Variants in CHID1 observed in about 807,000 individuals in gnomAD.
CHID1 encodes chitinase domain containing 1, also known as chitinase domain-containing protein 1.
In CHID1, 44 loss-of-function variants were observed where a neutral mutation model predicts 55.4. That is an observed-to-expected ratio of 0.79 (90% CI 0.62 to 1.02). The LOEUF is 1.02. CHID1 is among the 50% of genes least tolerant of loss of function. The pLI is 0.00. For missense variants in CHID1, 491 were observed against 515.3 expected (o/e 0.95, Z 0.46); for synonymous variants, 216 against 212.9 (o/e 1.01, Z -0.13).
intron 4 of CHID1, among the ~76,000 whole-genome samples, chr11:901,993 C>T (rs536179823): frequency 2.2e-4 from 34 of 151,966 alleles, no homozygotes; most frequent in Admixed American, 8.5e-4. Flanking sequence ...TCACATTCAA[C>T]ACACTCACAA....
chr11:880,380 A>G (rs1565168665), intron 10 of CHID1, among the ~76,000 whole-genome samples: 1 of 152,224 alleles, frequency 6.6e-6, no homozygotes, highest in Non-Finnish European at 1.5e-5. Flanking sequence ...ACCCAGGGCC[A>G]GAAGCCAGAG....
chr11:904,705 C>G lies in CHID1; in HGVS notation c.111+1G>C. On this transcript the variant is annotated splice_donor_variant, in intron 2 of 12. Coordinates refer to ENST00000323578, the MANE Select transcript of CHID1 (RefSeq NM_023947.4). LOFTEE classifies it high-confidence loss of function. ...ACCTCAAGTCCCCAGGCCACCCTTA[C>G]CTTCTCCAGCAGCGTCTTTGAGGCG... 1 of 1,614,048 alleles carries G rather than the reference C, an allele frequency of 6.2e-7. No individual in the cohort carries two copies.
At chr11:895,443 C>A (rs903620383) in intron 7 of CHID1, among the ~76,000 whole-genome samples, 1 of 152,124 alleles carries the variant, frequency 6.6e-6, no homozygotes, top group Non-Finnish European at 1.5e-5. Flanking sequence ...ACATGGGCCC[C>A]GGAGGCGACG....
At position 890,983 on chromosome 11, in the gene CHID1, G is replaced by A. The variant is rs559205131; in HGVS notation, c.701+2444C>T. Among the ~76,000 whole-genome samples the A allele has an allele frequency of 1.6e-4, 25 of 152,326 alleles. 1 individual carries two copies. The highest frequency in any genetic ancestry group is 8.5e-4 in the Admixed American group (13 of 15,300). On this transcript the variant is annotated intron_variant, in intron 8 of 12. Coordinates refer to ENST00000323578, the MANE Select transcript of CHID1 (RefSeq NM_023947.4). Reference sequence around the variant, plus strand: ...GAGAGCGAGCCTGTGTGCTGGCAGCGCTGCTCTTGGGAGGTGAGTGACAAG... The same window carrying A: ...GAGAGCGAGCCTGTGTGCTGGCAGCACTGCTCTTGGGAGGTGAGTGACAAG...
At chr11:896,961 C>T (rs1475143964) in intron 7 of CHID1, among the ~76,000 whole-genome samples, 9 of 85,016 alleles carry the variant, frequency 1.1e-4, no homozygotes, top group African/African-American at 1.5e-4. Flanking sequence ...CCAGACACAA[C>T]GAGCCTGTCT....
At position 883,198 on chromosome 11, in the gene CHID1, A is replaced by G. The variant is rs1850135094; in HGVS notation, c.909T>C (p.Gly303=). ...CATCCTTGGAGGTCGCGTAGTCCAT[A>G]CCATAGAAGTTGAGCCCCAGGAGGA... ...SKILLGLNFY[G]MDYATSKDAR... is the part of the protein sequence containing the mutation. The change falls in exon 10 of 13, where the codon GGT becomes GGC. Residue 303 remains glycine, a synonymous_variant. Transcript: ENST00000323578. The G allele has an allele frequency of 1.2e-6, 2 of 1,614,048 alleles. No individual in the cohort carries two copies. Among genetic ancestry groups the G allele is most frequent in the African/African-American group, 2.7e-5 (2 of 74,942 alleles).
chr11:879,271 C>T (rs939811090), intron 10 of CHID1, among the ~76,000 whole-genome samples: 3 of 152,070 alleles, frequency 2.0e-5, no homozygotes, highest in African/African-American at 4.8e-5. Flanking sequence ...GTTAGGGTCT[C>T]ACCATGTTGC....
intron 7 of CHID1, among the ~76,000 whole-genome samples, chr11:896,142 CG>C (rs1851266371): frequency 1.4e-5 from 2 of 141,058 alleles, no homozygotes; most frequent in Non-Finnish European, 3.0e-5. Context: ...ACCCCAGACA[CG>C]AGCCTGTCTC....
chr11:873,960 G>A (rs1400681398), intron 10 of CHID1, among the ~76,000 whole-genome samples: 1 of 151,818 alleles, frequency 6.6e-6, no homozygotes, highest in Non-Finnish European at 1.5e-5. Flanking sequence ...ACCAGGGACA[G>A]AGGTTCGACG....
chr11:901,706 G>A lies in CHID1; in HGVS notation c.394+492C>T, dbSNP rs200699495. On this transcript the variant is annotated intron_variant, in intron 4 of 12. Transcript: ENST00000323578. ...GTGCAGCCCGGAAGTGCAAGGGAAG[G>A]CCACCCTCACAGCCACCTGGACCAC... is the stretch of plus-strand genomic sequence containing the variant. Among the ~76,000 whole-genome samples the A allele has an allele frequency of 1.8e-4, 28 of 152,244 alleles. 1 individual carries two copies. The East Asian group carries it at 5.4e-3, about 29-fold the overall frequency.
Position 869,765 on chromosome 11 carries a change from C to G in CHID1, c.*93G>C, listed in dbSNP as rs1478810001. The G allele has an allele frequency of 1.2e-5, 14 of 1,150,544 alleles. No individual in the cohort carries two copies. The Admixed American group carries it at 2.4e-4, about 20-fold the overall frequency. The allele number at this position is 1,150,544 out of a possible 1,614,324, so 71.3% of individuals were successfully genotyped here. On this transcript the variant is annotated 3_prime_UTR_variant, in exon 13 of 13. Coordinates refer to ENST00000323578, the MANE Select transcript of CHID1 (RefSeq NM_023947.4). The stretch of plus-strand genomic sequence containing the variant: ...ACTGAGGACTGCAGCAGACCCGTCA[C>G]AGCAAACGGAGTGGAGGCCTGTATT...
intron 8 of CHID1, 73 bp downstream of exon 8, chr11:893,354 G>T: frequency 7.7e-7 from 1 of 1,300,778 alleles, no homozygotes; most frequent in Non-Finnish European, 1.1e-6. Context: ...CCCTTTGGCC[G>T]ACACCCTGCA....
intron 10 of CHID1, among the ~76,000 whole-genome samples, chr11:872,674 C>T (rs188655407): frequency 6.6e-6 from 1 of 152,354 alleles, no homozygotes; most frequent in East Asian, 1.9e-4. Context: ...AAAATTACTG[C>T]ATTATCCTTA....
intron 4 of CHID1, 129 bp downstream of exon 4, chr11:902,069 G>C (rs1565199238): frequency 9.2e-6 from 9 of 978,488 alleles, no homozygotes; most frequent in South Asian, 3.0e-5. Context: ...ATCACGCAGA[G>C]ACACACACAC....
chr11:903,216 T>C lies in CHID1; in HGVS notation c.112-105A>G, dbSNP rs55799840. ...TCCATTCAGCCAGCAGCCGAGTCTC[T>C]GGATCCACACAGTGCTGCTGACCCG... On this transcript the variant is annotated intron_variant, in intron 2 of 12. Transcript: ENST00000323578. The C allele has an allele frequency of 7.7e-3, 9,159 of 1,188,464 alleles. 46 individuals are homozygous for C. The highest frequency in any genetic ancestry group is 9.4e-3 in the Non-Finnish European group (7,845 of 836,544). The allele number at this position is 1,188,464 out of a possible 1,614,324, so 73.6% of individuals were successfully genotyped here.
At chr11:898,989 C>T (rs1170150454) in intron 7 of CHID1, among the ~76,000 whole-genome samples, 1 of 152,238 alleles carries the variant, frequency 6.6e-6, no homozygotes, top group Non-Finnish European at 1.5e-5. Flanking sequence ...TGTGTCCAAG[C>T]TCAACCTGCT....
intron 7 of CHID1, among the ~76,000 whole-genome samples, chr11:895,988 C>A (rs1364538250): frequency 6.6e-6 from 1 of 152,046 alleles, no homozygotes; most frequent in Non-Finnish European, 1.5e-5. Context: ...GCAGTGGCCA[C>A]TCCGGCTCAG....
intron 4 of CHID1, 138 bp downstream of exon 4, chr11:902,060 T>A: frequency 1.1e-6 from 1 of 903,192 alleles, no homozygotes; most frequent in Non-Finnish European, 1.7e-6. Context: ...CACACTTAAA[T>A]CACGCAGAGA....
At chr11:913,004 T>C (rs904061298), upstream of CHID1, among the ~76,000 whole-genome samples, 3 of 152,212 alleles carry the variant, frequency 2.0e-5, no homozygotes, top group Non-Finnish European at 2.9e-5. Flanking sequence ...TCGTATTTTA[T>C]GTTTTTGGAA....
Sources: gnomAD v4.1 joint callset for allele counts (sites outside exome capture counted in the v4.1 genomes callset) on GRCh38, gnomAD v4.1.1 for gene constraint, MANE v1.5 for transcripts, NCBI Gene and HGNC (gene_info 2026-07-23, HGNC 2026-07-21) for gene names.